PDE7A: variants seen among roughly 807,000 people sequenced by gnomAD.
PDE7A encodes the protein high affinity 3',5'-cyclic-AMP phosphodiesterase 7A.
PDE7A carries 39 observed loss-of-function variants against 64.3 expected under a neutral mutation model. The ratio of observed to expected loss-of-function variants is 0.61; its 90% confidence interval spans 0.47 to 0.79. The LOEUF (loss-of-function observed/expected upper bound fraction) is 0.79, where lower values mean the gene tolerates loss of function less well. Ranked by LOEUF, PDE7A falls within the 30% of genes least tolerant of loss-of-function variation. The pLI is 0.00. For missense variants in PDE7A, 470 were observed against 582.8 expected (o/e 0.81, Z 1.99); for synonymous variants, 203 against 206.8 (o/e 0.98, Z 0.16).
chr8:65,771,037 A>G, intron 3 of PDE7A: 1 of 384,782 alleles, frequency 2.6e-6, no homozygotes, highest in South Asian at 2.0e-5. Context: ...GAGAATAAGG[A>G]CTATGACAAA....
intron 9 of PDE7A, among the ~76,000 whole-genome samples, chr8:65,725,960 C>T (rs1806591687): frequency 6.6e-6 from 1 of 152,140 alleles, no homozygotes; most frequent in Admixed American, 6.5e-5. Context: ...TATTGTCATA[C>T]TCCAAATGGT....
intron 6 of PDE7A, among the ~76,000 whole-genome samples, chr8:65,737,011 G>A (rs904126297): frequency 6.7e-6 from 1 of 150,352 alleles, no homozygotes; most frequent in Non-Finnish European, 1.5e-5. Context: ...GCCTGGATGA[G>A]GTGGGAGGCT....
chr8:65,726,841 A>C, intron 9 of PDE7A, 34 bp downstream of exon 9: 1 of 1,116,274 alleles, frequency 9.0e-7, no homozygotes, highest in South Asian at 1.3e-5. Context: ...TTCTATAACC[A>C]GTAACAAATT....
chr8:65,773,522 T>C (rs557009204), intron 3 of PDE7A, among the ~76,000 whole-genome samples: 82 of 152,332 alleles, frequency 5.4e-4, no homozygotes, highest in Admixed American at 1.7e-3. Flanking sequence ...GATATAAGTA[T>C]AGATACCAAA....
At chr8:65,732,886 G>T (rs1035225844) in intron 7 of PDE7A, among the ~76,000 whole-genome samples, 3 of 150,316 alleles carry the variant, frequency 2.0e-5, no homozygotes, top group African/African-American at 7.4e-5. Flanking sequence ...ATCTTTTTTT[G>T]AATAAAAGAG....
intron 3 of PDE7A, among the ~76,000 whole-genome samples, chr8:65,773,100 G>T (rs1295798783): frequency 6.6e-6 from 1 of 152,216 alleles, no homozygotes; most frequent in Non-Finnish European, 1.5e-5. Flanking sequence ...GTCAGTGGAA[G>T]AAGGGAAGGC....
chr8:65,752,286 A>G (rs1416818033), intron 3 of PDE7A, among the ~76,000 whole-genome samples: 7 of 152,068 alleles, frequency 4.6e-5, no homozygotes, highest in African/African-American at 1.7e-4. Context: ...AAGACCTTTT[A>G]TCTTAATTTC....
In PDE7A at chr8:65,723,551, G is replaced by T. The variant is rs1806480805; in HGVS notation, c.1233C>A (p.Asn411Lys). Reference protein sequence around the residue: ...LCDRHTESIANIQIGFMTYLV... With the variant: ...LCDRHTESIAKIQIGFMTYLV... ...AATATGTATAGTTACCAATCTGGAT[G>T]TTGGCAATAGATTCAGTGTGACGAT... The change falls in exon 12 of 13, where the codon AAC becomes AAA. Residue 411 changes from asparagine (N) to lysine (K), a missense_variant. Physicochemically the swap from Asn to Lys is moderately conservative, Grantham distance 94. Coordinates refer to ENST00000401827, the MANE Select transcript of PDE7A (RefSeq NM_001242318.3). 6.3e-7 allele frequency: 1 copy of T among 1,575,194 alleles called. No homozygotes were observed. Among genetic ancestry groups the T allele is most frequent in the South Asian group, 1.2e-5 (1 of 81,876 alleles).
chr8:65,833,443 C>G (rs916090746), intron 1 of PDE7A, among the ~76,000 whole-genome samples: 2 of 152,166 alleles, frequency 1.3e-5, no homozygotes, highest in African/African-American at 4.8e-5. Flanking sequence ...AATCCACATC[C>G]ATAAGACAAC....
At chr8:65,834,883 C>A (rs941842281) in intron 1 of PDE7A, among the ~76,000 whole-genome samples, 1 of 152,176 alleles carries the variant, frequency 6.6e-6, no homozygotes, top group African/African-American at 2.4e-5. Context: ...AAAATAAAGC[C>A]CTGCAAGTTT....
chr8:65,810,649 C>T (rs1483550453), intron 1 of PDE7A, among the ~76,000 whole-genome samples: 2 of 151,876 alleles, frequency 1.3e-5, no homozygotes, highest in African/African-American at 4.8e-5. Context: ...AGAATATCCA[C>T]TAAGGTAATT....
intron 1 of PDE7A, among the ~76,000 whole-genome samples, chr8:65,822,196 G>A (rs1810558174): frequency 6.6e-6 from 1 of 152,174 alleles, no homozygotes; most frequent in Non-Finnish European, 1.5e-5. Context: ...TCTTTAAGGG[G>A]CTGGAAACCT....
intron 1 of PDE7A, among the ~76,000 whole-genome samples, chr8:65,786,521 C>T (rs1277491650): frequency 2.6e-5 from 4 of 152,054 alleles, no homozygotes; most frequent in African/African-American, 4.8e-5. Flanking sequence ...AAAAATTTGA[C>T]CTCCGTGTTA....
In PDE7A at chr8:65,806,158, G is replaced by A. The variant is rs533289497; in HGVS notation, c.139-23315C>T. On this transcript the variant is annotated intron_variant, in intron 1 of 12. Transcript: ENST00000401827. ...ATAAGGAATGACTGGTTGACTAACT[G>A]TAAAAGTAGAAGTACGAAATATTTA... is the stretch of plus-strand genomic sequence containing the variant. Among the ~76,000 whole-genome samples the A allele has an allele frequency of 1.1e-4, 16 of 152,286 alleles. No homozygotes were observed. The East Asian group carries it at 2.3e-3, about 22-fold the overall frequency.
chr8:65,833,795 CT>C (rs1810887627), intron 1 of PDE7A, among the ~76,000 whole-genome samples: 1 of 152,076 alleles, frequency 6.6e-6, no homozygotes, highest in African/African-American at 2.4e-5. Flanking sequence ...AAAACCCCAT[CT>C]CTACAAAAAC....
intron 1 of PDE7A, among the ~76,000 whole-genome samples, chr8:65,825,859 G>C (rs1436635378): frequency 6.6e-6 from 1 of 152,176 alleles, no homozygotes; most frequent in Non-Finnish European, 1.5e-5. Context: ...TGAAGGTGGG[G>C]GGTGAGGCGG....
rs1423932398 is a variant in PDE7A, at chr8:65,727,262, A to G, written c.736T>C (p.Leu246=). ...AGATCATGAGTGGCAGCTGCAATTA[A>G]GCTCAGCAAGATATCCCAAGGAGTT... ...SVTPWDILLS[L]IAAATHDLDH... is the part of the protein sequence containing the mutation. Residue 246 remains leucine (L), a synonymous_variant, in exon 8 of 13, where the codon TTA becomes CTA. Transcript: ENST00000401827. 6.2e-7 allele frequency: 1 copy of G among 1,613,804 alleles called. No individual in the cohort carries two copies. Among genetic ancestry groups the G allele is most frequent in the East Asian group, 2.2e-5 (1 of 44,876 alleles).
chr8:65,807,455 G>C lies in PDE7A; in HGVS notation c.139-24612C>G, dbSNP rs116397095. ...TAGATTCCTTAGTATCTTCTATGTA[G>C]ATAATCATATCATCTATGACTAGAG... On this transcript the variant is annotated intron_variant, in intron 1 of 12. Coordinates refer to ENST00000401827, the MANE Select transcript of PDE7A (RefSeq NM_001242318.3). Among the ~76,000 whole-genome samples the C allele has an allele frequency of 5.9e-3, 893 of 152,286 alleles. 8 individuals carry two copies. The highest frequency in any genetic ancestry group is 0.02 in the African/African-American group (844 of 41,550).
chr8:65,724,089 CAG>C (rs1806506464), intron 11 of PDE7A, among the ~76,000 whole-genome samples, 164 bp downstream of exon 11: 1 of 152,154 alleles, frequency 6.6e-6, no homozygotes, highest in Non-Finnish European at 1.5e-5. Flanking sequence ...ATTTTCAAAA[CAG>C]ATGCTCAATT....
Sources: gnomAD v4.1 joint callset for allele counts (sites outside exome capture counted in the v4.1 genomes callset) on GRCh38, gnomAD v4.1.1 for gene constraint, MANE v1.5 for transcripts, NCBI Gene and HGNC (gene_info 2026-07-23, HGNC 2026-07-21) for gene names.